EPHB2: variants seen among roughly 807,000 people sequenced by gnomAD.
EPHB2 encodes the protein EPH receptor B2.
Under a neutral mutation model 96.4 loss-of-function variants are expected in EPHB2, and 18 were observed. The observed-to-expected ratio is 0.19, with a 90% CI of 0.13 to 0.28. The LOEUF is 0.28. Ranked by LOEUF, EPHB2 falls within the 10% of genes least tolerant of loss-of-function variation. The pLI is 1.00. For synonymous variants in EPHB2, 506 were observed against 534.1 expected, an observed-to-expected ratio of 0.95 and a Z score of 0.72; for missense variants, 989 against 1,355.4, an observed-to-expected ratio of 0.73 and a Z score of 4.25.
chr1:22,904,871 T>A (rs1349203581), intron 9 of EPHB2, among the ~76,000 whole-genome samples: 1 of 152,258 alleles, frequency 6.6e-6, no homozygotes, highest in Non-Finnish European at 1.5e-5. Context: ...GTCACACAGC[T>A]GAGCAGGGTT....
intron 9 of EPHB2, among the ~76,000 whole-genome samples, chr1:22,900,805 A>T (rs1296360230): frequency 6.6e-6 from 1 of 152,212 alleles, no homozygotes; most frequent in African/African-American, 2.4e-5. Flanking sequence ...AAGCACTGCC[A>T]GCCCTGTGAT....
At chr1:22,886,544 G>T (rs1406982877) in intron 6 of EPHB2, among the ~76,000 whole-genome samples, 1 of 152,114 alleles carries the variant, frequency 6.6e-6, no homozygotes, top group Non-Finnish European at 1.5e-5. Flanking sequence ...GCTCCCAGGG[G>T]ACGCTAAGTG....
intron 3 of EPHB2, among the ~76,000 whole-genome samples, chr1:22,848,863 T>C (rs6658894): frequency 0.33 from 50,048 of 151,924 alleles, 8,618 homozygotes; most frequent in Middle Eastern, 0.46. Context: ...TGGAAGACAC[T>C]TAGACAAGGC....
intron 9 of EPHB2, among the ~76,000 whole-genome samples, chr1:22,899,813 C>T (rs918016072): frequency 3.3e-5 from 5 of 151,312 alleles, no homozygotes; most frequent in Non-Finnish European, 7.4e-5. Context: ...GGCAACATAG[C>T]AAAACCCCAT....
Position 22,778,747 on chromosome 1 carries a change from G to C in EPHB2, c.62-2674G>C, listed in dbSNP as rs920483. 8.0e-4 allele frequency among the ~76,000 whole-genome samples: 122 copies of C among 152,344 alleles called. 1 individual carries two copies. The highest frequency in any genetic ancestry group is 2.7e-3 in the African/African-American group (112 of 41,584). On this transcript the variant is annotated intron_variant, in intron 1 of 15. Transcript: ENST00000374630. ...TTTGGGCCACTGCTTTGGGCCAGGAGAGGTAGAAGACACAGGGGGACAGTG... is the reference window on the plus strand; with the variant it reads ...TTTGGGCCACTGCTTTGGGCCAGGACAGGTAGAAGACACAGGGGGACAGTG...
At chr1:22,814,625 A>T (rs1377455082) in intron 3 of EPHB2, among the ~76,000 whole-genome samples, 1 of 152,174 alleles carries the variant, frequency 6.6e-6, no homozygotes, top group African/African-American at 2.4e-5. Context: ...AGGCTCAGAA[A>T]GGTGAATGCA....
In EPHB2 at chr1:22,875,048, A is replaced by G. The variant is rs1169800948; in HGVS notation, c.1304-7311A>G. 6.6e-6 allele frequency among the ~76,000 whole-genome samples: 1 copy of G among 152,158 alleles called. No individual in the cohort carries two copies. Among genetic ancestry groups the G allele is most frequent in the East Asian group, 1.9e-4 (1 of 5,188 alleles). ...AACTCTGCGTTCCTCAAACTTTCTTAGCCACAGAATACGCAGTGCCACCCT... is the reference window on the plus strand; with the variant it reads ...AACTCTGCGTTCCTCAAACTTTCTTGGCCACAGAATACGCAGTGCCACCCT... On this transcript the variant is annotated intron_variant, in intron 5 of 15. Transcript: ENST00000374630. The surrounding 1 kb of genome is among the most constrained non-coding windows in gnomAD (Gnocchi z 4.2).
intron 1 of EPHB2, among the ~76,000 whole-genome samples, chr1:22,718,654 C>T (rs1004830441): frequency 6.6e-6 from 1 of 152,146 alleles, no homozygotes; most frequent in African/African-American, 2.4e-5. Context: ...TCCCAAAGTG[C>T]TGGGATTACA....
chr1:22,890,992 C>T (rs932698671), intron 6 of EPHB2: 7 of 435,708 alleles, frequency 1.6e-5, no homozygotes, highest in African/African-American at 4.0e-5. Flanking sequence ...GGGACTAATG[C>T]AGCCCCCGTC....
At chr1:22,781,627 A>AATCCCCTACCATTGATGGAGCCATG (rs1195551216) in intron 2 of EPHB2, 142 bp downstream of exon 2, 4 of 746,702 alleles carry the variant, frequency 5.4e-6, no homozygotes, top group Admixed American at 2.2e-5. Flanking sequence ...CCACCCTCCC[A>AATCCCCTACCATTGATGGAGCCATG]ATCCCCTACC....
At position 22,913,390 on chromosome 1, in the gene EPHB2, A is replaced by C; in HGVS notation, c.2853-72A>C. On this transcript the variant is annotated intron_variant, in intron 15 of 15. Transcript: ENST00000374630. This position sits in a 1 kb window ranked among gnomAD's most constrained non-coding sequence, Gnocchi z 4.1. ...TGCCATCTTCCTCCCGGGGAAGCCC[A>C]GGCAGCTCTCTACCAGGCACAGGAC... 1 of 1,577,422 alleles carries C rather than the reference A, an allele frequency of 6.3e-7. No individual in the cohort carries two copies. The highest frequency in any genetic ancestry group is 8.6e-7 in the Non-Finnish European group (1 of 1,159,420).
chr1:22,883,386 A>G (rs1157029166), intron 6 of EPHB2, among the ~76,000 whole-genome samples: 1 of 152,180 alleles, frequency 6.6e-6, no homozygotes, highest in Non-Finnish European at 1.5e-5. Flanking sequence ...GCCCACCCAC[A>G]TGGCTGGACA....
In EPHB2 at chr1:22,865,035, G is replaced by A. The variant is rs1444928620; in HGVS notation, c.1126G>A (p.Gly376Arg). ...GSGRGACTRC[G>R]DNVQYAPRQL... ...GGGCCGGGGTGCCTGCACCCGCTGC[G>A]GGGACAATGTACAGTACGCACCACG... Residue 376 changes from glycine (G) to arginine (R), a missense_variant, in exon 5 of 16, where the codon GGG becomes AGG. Physicochemically the swap from Gly to Arg is moderately radical, Grantham distance 125. Coordinates refer to ENST00000374630, the MANE Select transcript of EPHB2 (RefSeq NM_017449.5). The A allele has an allele frequency of 1.3e-5, 21 of 1,613,476 alleles. No homozygotes were observed. Among genetic ancestry groups the A allele is most frequent in the Middle Eastern group, 1.7e-4 (1 of 6,058 alleles).
chr1:22,863,011 G>A (rs754570824), intron 3 of EPHB2, 26 bp from the exon 4 acceptor site: 12 of 1,613,840 alleles, frequency 7.4e-6, no homozygotes, highest in Admixed American at 3.3e-5. Flanking sequence ...CAGTTTCCTG[G>A]TGACTCTCCT....
At chr1:22,740,977 G>C (rs144741391) in intron 1 of EPHB2, among the ~76,000 whole-genome samples, 1 of 152,078 alleles carries the variant, frequency 6.6e-6, no homozygotes, top group African/African-American at 2.4e-5. Context: ...GCGATGCCAA[G>C]CCTCTCCTTG....
intron 3 of EPHB2, among the ~76,000 whole-genome samples, chr1:22,855,222 G>A (rs1199572591): frequency 1.3e-5 from 2 of 152,204 alleles, no homozygotes; most frequent in South Asian, 2.1e-4. Flanking sequence ...AGAGCAAATG[G>A]CAGTGAAGCC....
At position 22,865,299 on chromosome 1, in the gene EPHB2, A is replaced by T. The variant is rs148210743; in HGVS notation, c.1303+87A>T. On this transcript the variant is annotated intron_variant, in intron 5 of 15. Coordinates refer to ENST00000374630, the MANE Select transcript of EPHB2 (RefSeq NM_017449.5). ...CAGTCCTCACAAAAGACTCCTTCACATCTATGGAGTGATTTCTTCTTTTCA... is the reference window on the plus strand; with the variant it reads ...CAGTCCTCACAAAAGACTCCTTCACTTCTATGGAGTGATTTCTTCTTTTCA... 6 of 1,448,912 alleles carry T rather than the reference A, an allele frequency of 4.1e-6. No individual in the cohort carries two copies. In the African/African-American group the frequency reaches 8.4e-5, roughly 20 times the overall value. 89.8% of individuals were successfully genotyped at this position (1,448,912 alleles called of 1,614,324 possible).
chr1:22,739,876 A>G (rs1643882981), intron 1 of EPHB2, among the ~76,000 whole-genome samples: 1 of 152,094 alleles, frequency 6.6e-6, no homozygotes, highest in South Asian at 2.1e-4. Context: ...GACGCTGCGG[A>G]AAGTTGTGCC....
At chr1:22,723,316 G>T (rs1470907064) in intron 1 of EPHB2, among the ~76,000 whole-genome samples, 1 of 152,248 alleles carries the variant, frequency 6.6e-6, no homozygotes, top group Non-Finnish European at 1.5e-5. Context: ...CCCACGAAAG[G>T]CCATGGCCCA....
Sources: gnomAD v4.1 joint callset for allele counts (sites outside exome capture counted in the v4.1 genomes callset) on GRCh38, gnomAD v4.1.1 for gene constraint, Gnocchi (gnomAD v3.1) non-coding constraint, MANE v1.5 for transcripts, NCBI Gene and HGNC (gene_info 2026-07-23, HGNC 2026-07-21) for gene names.